The following ELMO1 variants were observed in gnomAD, a reference collection of about 807,000 sequenced individuals.
The protein encoded by ELMO1 is engulfment and cell motility protein 1.
ELMO1 carries 26 observed loss-of-function variants against 98.9 expected under a neutral mutation model. The observed-to-expected ratio is 0.26, with a 90% CI of 0.19 to 0.36. The LOEUF (loss-of-function observed/expected upper bound fraction) is 0.36, where lower values mean the gene tolerates loss of function less well. Ranked by LOEUF, ELMO1 falls within the 10% of genes least tolerant of loss-of-function variation. The pLI, the probability that ELMO1 is intolerant of heterozygous loss-of-function variation, is 1.00. For synonymous variants in ELMO1, 346 were observed against 346.0 expected (o/e 1.00, Z 0.00); for missense variants, 627 against 935.2 (o/e 0.67, Z 4.30).
chr7:37,419,283 A>G (rs191695479), intron 1 of ELMO1, among the ~76,000 whole-genome samples: 3 of 152,294 alleles, frequency 2.0e-5, no homozygotes, highest in African/African-American at 7.2e-5. Context: ...AGTATTTTTT[A>G]CCTTTGTTAG....
intron 6 of ELMO1, among the ~76,000 whole-genome samples, chr7:37,258,248 C>A (rs1368425223): frequency 6.6e-6 from 1 of 151,106 alleles, no homozygotes; most frequent in Non-Finnish European, 1.5e-5. Flanking sequence ...AGCCTGGCGA[C>A]AGAGTGAGAC....
intron 11 of ELMO1, among the ~76,000 whole-genome samples, 154 bp from the exon 12 acceptor site, chr7:37,213,611 G>A (rs1489406481): frequency 6.6e-6 from 1 of 152,186 alleles, no homozygotes; most frequent in Non-Finnish European, 1.5e-5. Context: ...GCTTTCCTTT[G>A]AATTTCAGAG....
chr7:37,150,192 T>C (rs1447521086), intron 13 of ELMO1, among the ~76,000 whole-genome samples: 1 of 152,156 alleles, frequency 6.6e-6, no homozygotes, highest in East Asian at 1.9e-4. Flanking sequence ...CTGGTAAACA[T>C]AGCTTACCTC....
At chr7:37,004,283 G>A (rs1324042017) in intron 16 of ELMO1, among the ~76,000 whole-genome samples, 1 of 152,056 alleles carries the variant, frequency 6.6e-6, no homozygotes, top group Non-Finnish European at 1.5e-5. Flanking sequence ...AATCCACAAC[G>A]GAATCTGGAA....
At chr7:36,910,161 T>C (rs1300750578) in intron 16 of ELMO1, among the ~76,000 whole-genome samples, 1 of 152,200 alleles carries the variant, frequency 6.6e-6, no homozygotes, top group Non-Finnish European at 1.5e-5. Context: ...TCCTGGAATT[T>C]TTGGCTAAGC....
intron 13 of ELMO1, among the ~76,000 whole-genome samples, chr7:37,185,920 C>A (rs73341917): frequency 0.013 from 1,914 of 152,264 alleles, 41 homozygotes; most frequent in African/African-American, 0.044. Flanking sequence ...TCAATACAAT[C>A]CCTATCAGTA....
chr7:37,150,808 T>G (rs1297578160), intron 13 of ELMO1, among the ~76,000 whole-genome samples: 1 of 152,196 alleles, frequency 6.6e-6, no homozygotes, highest in Non-Finnish European at 1.5e-5. Context: ...GTCCATATCT[T>G]TCTAACTTTT....
chr7:36,995,723 T>G (rs867408943), intron 16 of ELMO1, among the ~76,000 whole-genome samples: 17 of 152,332 alleles, frequency 1.1e-4, no homozygotes, highest in Admixed American at 3.9e-4. Flanking sequence ...TGTTGAATAG[T>G]TGGGCTATTT....
chr7:36,912,045 C>T (rs1187731024), intron 16 of ELMO1, among the ~76,000 whole-genome samples: 1 of 152,168 alleles, frequency 6.6e-6, no homozygotes, highest in Admixed American at 6.5e-5. Flanking sequence ...ATGAGTATTG[C>T]TTTAGATGTT....
At chr7:36,926,838 A>C (rs981236517) in intron 16 of ELMO1, among the ~76,000 whole-genome samples, 1 of 152,230 alleles carries the variant, frequency 6.6e-6, no homozygotes, top group South Asian at 2.1e-4. Context: ...AATGCAACAG[A>C]ATCCCATAAT....
rs2129996746 is a variant in ELMO1, at chr7:37,181,652, G to A, written c.1086+29734C>T. 3.3e-5 allele frequency among the ~76,000 whole-genome samples: 5 copies of A among 152,278 alleles called. No homozygotes were observed. In the South Asian group the frequency reaches 1.0e-3, roughly 32 times the overall value. On this transcript the variant is annotated intron_variant, in intron 13 of 21. Coordinates refer to ENST00000310758, the MANE Select transcript of ELMO1 (RefSeq NM_014800.11). ...AATATTTGTCAAAAAAAGAAAGCAGGAATGTATTGCAGTCCTCATATCACA... is the reference window on the plus strand; with the variant it reads ...AATATTTGTCAAAAAAAGAAAGCAGAAATGTATTGCAGTCCTCATATCACA...
intron 4 of ELMO1, among the ~76,000 whole-genome samples, chr7:37,272,360 T>G (rs1483652003): frequency 6.6e-6 from 1 of 152,054 alleles, no homozygotes; most frequent in East Asian, 1.9e-4. Context: ...CACAGAAAAT[T>G]AGTAAGTCAT....
intron 14 of ELMO1, among the ~76,000 whole-genome samples, chr7:37,128,227 T>C (rs539113701): frequency 4.0e-5 from 6 of 151,808 alleles, no homozygotes; most frequent in African/African-American, 1.4e-4. Context: ...AACATAAACA[T>C]AAAAAAAGAA....
rs62459391 is a variant in ELMO1 at position 37,411,608 on chromosome 7, G to A, written c.-74+37067C>T. On this transcript the variant is annotated intron_variant, in intron 1 of 21. Transcript: ENST00000310758. ...TACAGAAATGGCCATACAGTCCACA[G>A]AAATGGCATTTTTGTGTGTGTGCGG... Among the ~76,000 whole-genome samples, 292 of 152,310 alleles carry A rather than the reference G, an allele frequency of 1.9e-3. 1 individual carries two copies. Among genetic ancestry groups the A allele is most frequent in the Non-Finnish European group, 1.6e-3 (112 of 68,028 alleles).
intron 16 of ELMO1, among the ~76,000 whole-genome samples, chr7:36,952,964 CTTTTTTTTTTTTTT>C (rs70980904): frequency 4.8e-5 from 4 of 82,876 alleles, no homozygotes; most frequent in Admixed American, 2.8e-4. Flanking sequence ...AGTCACTACT[CTTTTTTTTTTTTTT>C]TTTTTTTTTT....
chr7:37,035,324 C>T (rs1277367331), intron 15 of ELMO1, among the ~76,000 whole-genome samples: 1 of 152,192 alleles, frequency 6.6e-6, no homozygotes, highest in African/African-American at 2.4e-5. Flanking sequence ...TTTCACCTTC[C>T]TTTTGCTTTA....
intron 13 of ELMO1, among the ~76,000 whole-genome samples, chr7:37,138,601 A>C (rs1787417467): frequency 6.6e-6 from 1 of 152,192 alleles, no homozygotes; most frequent in South Asian, 2.1e-4. Flanking sequence ...CAACCAAAAA[A>C]AGTCCAGGAC....
intron 1 of ELMO1, among the ~76,000 whole-genome samples, chr7:37,427,062 C>T (rs1423101240): frequency 2.0e-5 from 3 of 151,994 alleles, no homozygotes; most frequent in Admixed American, 6.6e-5. Context: ...CAAACACTAA[C>T]CTGAGCCCCC....
chr7:37,315,518 C>G (rs1799108130), intron 3 of ELMO1, among the ~76,000 whole-genome samples: 1 of 152,180 alleles, frequency 6.6e-6, no homozygotes. Flanking sequence ...TGAGATCCCA[C>G]GGAGCAGCAC....
Sources: allele counts gnomAD v4.1 joint callset (sites outside exome capture counted in the v4.1 genomes callset), GRCh38; gene constraint gnomAD v4.1.1; transcripts MANE v1.5; gene names NCBI Gene and HGNC (gene_info 2026-07-23, HGNC 2026-07-21).